SYK: variants seen among roughly 807,000 people sequenced by gnomAD.
The protein encoded by SYK is spleen associated tyrosine kinase, also known as tyrosine-protein kinase SYK.
SYK carries 16 observed loss-of-function variants against 77.8 expected under a neutral mutation model. The ratio of observed to expected loss-of-function variants is 0.21; its 90% CI spans 0.14 to 0.31. The LOEUF (loss-of-function observed/expected upper bound fraction) is 0.31, where lower values mean the gene tolerates loss of function less well. SYK is among the 10% of genes least tolerant of loss of function. The pLI is 1.00. For missense variants in SYK, 529 were observed against 814.4 expected (o/e 0.65, Z 4.26); for synonymous variants, 312 against 308.7 (o/e 1.01, Z -0.11).
At chr9:90,854,061 G>A (rs902567789) in intron 3 of SYK, among the ~76,000 whole-genome samples, 1 of 152,102 alleles carries the variant, frequency 6.6e-6, no homozygotes, top group African/African-American at 2.4e-5. Context: ...CGAGCCCCAG[G>A]AGGCAGCACC....
intron 3 of SYK, among the ~76,000 whole-genome samples, chr9:90,851,685 C>T (rs767100422): frequency 6.6e-6 from 1 of 152,108 alleles, no homozygotes; most frequent in Non-Finnish European, 1.5e-5. Flanking sequence ...CCCCCAGAGG[C>T]CTTGTATAGC....
rs1828967962 is a variant in SYK at position 90,895,989 on chromosome 9, A to T, written c.*389A>T. 1 of 244,824 alleles carries T rather than the reference A, an allele frequency of 4.1e-6. No homozygotes were observed. Among genetic ancestry groups the T allele is most frequent in the African/African-American group, 2.2e-5 (1 of 46,010 alleles). The allele number at this position is 244,824 out of a possible 1,614,324, so 15.2% of individuals were successfully genotyped here. A position where few individuals can be genotyped will look rare whatever the true frequency, so the allele number is the denominator to read the frequency against. On this transcript the variant is annotated 3_prime_UTR_variant, in exon 14 of 14. Coordinates refer to ENST00000375754, the MANE Select transcript of SYK (RefSeq NM_003177.7). This position sits in a 1 kb window ranked among gnomAD's most constrained non-coding sequence, Gnocchi z 4.4. ...AGTGGCCTAGAGCACTCTCACCCCA[A>T]GCGGCCTTTTCCAAATGCCCAAGGA...
intron 11 of SYK, among the ~76,000 whole-genome samples, chr9:90,887,370 C>A (rs1005711058): frequency 6.7e-6 from 1 of 149,924 alleles, no homozygotes; most frequent in Non-Finnish European, 1.5e-5. Flanking sequence ...CTGCTATGAA[C>A]ATGAATGTAC....
intron 1 of SYK, among the ~76,000 whole-genome samples, chr9:90,836,452 G>A (rs1254091304): frequency 6.6e-6 from 1 of 152,038 alleles, no homozygotes; most frequent in Non-Finnish European, 1.5e-5. Flanking sequence ...TCACAGTCGA[G>A]GAAAATGTAA....
At chr9:90,874,491 T>A (rs1353449918) in intron 8 of SYK, among the ~76,000 whole-genome samples, 181 bp from the exon 9 acceptor site, 1 of 152,132 alleles carries the variant, frequency 6.6e-6, no homozygotes, top group Non-Finnish European at 1.5e-5. Context: ...AATGAAATGG[T>A]CTTTCCCACC....
chr9:90,882,030 C>A (rs1425505568), intron 11 of SYK, among the ~76,000 whole-genome samples: 1 of 152,186 alleles, frequency 6.6e-6, no homozygotes, highest in East Asian at 1.9e-4. Context: ...GTCTACTATA[C>A]ATGGTTAGGT....
chr9:90,812,165 T>C (rs575201588), intron 1 of SYK, among the ~76,000 whole-genome samples: 1 of 152,144 alleles, frequency 6.6e-6, no homozygotes, highest in East Asian at 1.9e-4. Context: ...AAAGGTGAAA[T>C]TAACATTTTT....
chr9:90,843,839 C>A lies in SYK; in HGVS notation c.-41-19C>A. ...CACGTGGGGTCCTCACCAAAGTTCT[C>A]TGTCTCTGTCTTGCCCAGGTGGACA... On this transcript the variant is annotated intron_variant, in intron 1 of 13. Coordinates refer to ENST00000375754, the MANE Select transcript of SYK (RefSeq NM_003177.7). The A allele has an allele frequency of 7.1e-7, 1 of 1,415,048 alleles. No individual in the cohort carries two copies. The highest frequency in any genetic ancestry group is 9.2e-7 in the Non-Finnish European group (1 of 1,086,024). The allele number at this position is 1,415,048 out of a possible 1,614,324, so 87.7% of individuals were successfully genotyped here.
chr9:90,888,519 T>C lies in SYK; in HGVS notation c.1727T>C (p.Met576Thr). The C allele has an allele frequency of 6.2e-7, 1 of 1,602,094 alleles. No individual in the cohort carries two copies. The highest frequency in any genetic ancestry group is 1.1e-5 in the South Asian group (1 of 87,980). ...FSYGQKPYRG[M>T]KGSEVTAMLE... The stretch of plus-strand genomic sequence containing the variant: ...TGCATATCTTGCATGTTGTAGGGGA[T>C]GAAAGGAAGTGAAGTCACCGCTATG... Residue 576 changes from methionine (M) to threonine (T), a missense_variant, in exon 13 of 14, where the codon ATG becomes ACG. Transcript: ENST00000375754.
intron 1 of SYK, among the ~76,000 whole-genome samples, chr9:90,808,045 A>G (rs780999640): frequency 6.6e-6 from 1 of 152,232 alleles, no homozygotes; most frequent in Non-Finnish European, 1.5e-5. Flanking sequence ...ATGACAGTCC[A>G]GAATAGGCAT....
chr9:90,891,220 A>G (rs535391903), intron 13 of SYK, among the ~76,000 whole-genome samples: 1 of 140,680 alleles, frequency 7.1e-6, no homozygotes, highest in Non-Finnish European at 1.5e-5. Context: ...ATCTGGGCTC[A>G]CTGCAAGCTC....
chr9:90,843,209 A>G (rs1336036640), intron 1 of SYK, among the ~76,000 whole-genome samples: 1 of 152,154 alleles, frequency 6.6e-6, no homozygotes, highest in Non-Finnish European at 1.5e-5. Context: ...TGTCTCAGGC[A>G]GTGGCTTGTT....
chr9:90,853,640 A>G (rs1457488760), intron 3 of SYK, among the ~76,000 whole-genome samples: 4 of 152,068 alleles, frequency 2.6e-5, no homozygotes, highest in Non-Finnish European at 4.4e-5. Flanking sequence ...CAAACACCGC[A>G]TGTTCTCACT....
chr9:90,841,081 G>A (rs1199970532), intron 1 of SYK, among the ~76,000 whole-genome samples: 1 of 151,956 alleles, frequency 6.6e-6, no homozygotes, highest in African/African-American at 2.4e-5. Flanking sequence ...ACTATGGTGT[G>A]TGTGTGGCAT....
intron 4 of SYK, among the ~76,000 whole-genome samples, chr9:90,863,571 T>C (rs1827356437): frequency 6.6e-6 from 1 of 152,232 alleles, no homozygotes; most frequent in Admixed American, 6.5e-5. Flanking sequence ...AGTCACAACA[T>C]TTACATTGTC....
chr9:90,894,095 T>C (rs534826340), intron 13 of SYK, among the ~76,000 whole-genome samples: 8 of 152,226 alleles, frequency 5.3e-5, no homozygotes, highest in African/African-American at 1.9e-4. Flanking sequence ...CCTTGGCTGC[T>C]GGGCAGATGA....
At chr9:90,837,741 G>A (rs1019003631) in intron 1 of SYK, among the ~76,000 whole-genome samples, 1 of 152,208 alleles carries the variant, frequency 6.6e-6, no homozygotes, top group African/African-American at 2.4e-5. Context: ...TTCCACGAGG[G>A]CAGCCTCAGG....
chr9:90,858,733 G>A (rs1026304485), intron 3 of SYK, among the ~76,000 whole-genome samples: 1 of 152,256 alleles, frequency 6.6e-6, no homozygotes, highest in African/African-American at 2.4e-5. Flanking sequence ...GTTGCTGGTG[G>A]TTAATGTCGC....
intron 1 of SYK, among the ~76,000 whole-genome samples, chr9:90,806,226 A>G (rs987852896): frequency 2.6e-5 from 4 of 151,884 alleles, no homozygotes; most frequent in South Asian, 2.1e-4. Context: ...TATTGACACA[A>G]TTTTCTACAG....
Sources: gnomAD v4.1 joint callset for allele counts (sites outside exome capture counted in the v4.1 genomes callset) on GRCh38, gnomAD v4.1.1 for gene constraint, Gnocchi (gnomAD v3.1) non-coding constraint, MANE v1.5 for transcripts, NCBI Gene and HGNC (gene_info 2026-07-23, HGNC 2026-07-21) for gene names.